Variants in USP48 observed in about 807,000 individuals in gnomAD.
USP48 encodes the protein ubiquitin carboxyl-terminal hydrolase 48.
Under a neutral mutation model 150.7 loss-of-function variants are expected in USP48, and 43 were observed. The observed-to-expected ratio is 0.29, with a 90% confidence interval of 0.22 to 0.37. The LOEUF (loss-of-function observed/expected upper bound fraction) is 0.37. Ranked by LOEUF, USP48 falls within the 10% of genes least tolerant of loss-of-function variation. The probability of loss-of-function intolerance (pLI) is 1.00; values close to 1 mark genes in which losing one functional copy is unlikely to be tolerated. For synonymous variants in USP48, 396 were observed against 425.9 expected (o/e 0.93, Z 0.86); for missense variants, 813 against 1,249.6 (o/e 0.65, Z 5.27).
At chr1:21,706,320 T>C (rs1399391695) in intron 17 of USP48, 133 bp from the exon 18 acceptor site, 5 of 1,493,130 alleles carry the variant, frequency 3.3e-6, no homozygotes, top group South Asian at 2.5e-5. Flanking sequence ...TACCAAAAAA[T>C]AGCAGGCTGG....
At chr1:21,776,022 T>C (rs1302785169) in intron 1 of USP48, among the ~76,000 whole-genome samples, 2 of 152,184 alleles carry the variant, frequency 1.3e-5, no homozygotes, top group Non-Finnish European at 2.9e-5. Context: ...GAGGGTATGA[T>C]GTATATGTAA....
intron 14 of USP48, 58 bp from the exon 15 acceptor site, chr1:21,715,515 A>G (rs1400997965): frequency 2.6e-6 from 3 of 1,150,960 alleles, no homozygotes; most frequent in Non-Finnish European, 3.8e-6. Flanking sequence ...TAAAGTTGAA[A>G]GTAGCAGATA....
chr1:21,729,250 C>A (rs2097749561), intron 10 of USP48, among the ~76,000 whole-genome samples: 1 of 150,832 alleles, frequency 6.6e-6, no homozygotes, highest in East Asian at 1.9e-4. Context: ...CCACTGCACT[C>A]CAGCCTGGGC....
chr1:21,729,010 C>T (rs1054986134), intron 10 of USP48, among the ~76,000 whole-genome samples: 2 of 152,242 alleles, frequency 1.3e-5, no homozygotes, highest in South Asian at 2.1e-4. Flanking sequence ...GCCAGGCGGG[C>T]GCAGTGGCTC....
chr1:21,758,185 A>AACACACACACACACACAC (rs149088635), intron 1 of USP48, among the ~76,000 whole-genome samples: 3 of 141,448 alleles, frequency 2.1e-5, no homozygotes, highest in South Asian at 4.6e-4. Context: ...GCAACTGTAA[A>AACACACACACACACACAC]ACACACACAC....
chr1:21,739,964 C>T (rs569632598), intron 8 of USP48, among the ~76,000 whole-genome samples: 34 of 152,254 alleles, frequency 2.2e-4, no homozygotes, highest in South Asian at 1.4e-3. Flanking sequence ...CAGGCTGGAG[C>T]GCAATGGCGC....
At chr1:21,692,141 C>A (rs886432575) in intron 23 of USP48, among the ~76,000 whole-genome samples, 1 of 152,094 alleles carries the variant, frequency 6.6e-6, no homozygotes, top group African/African-American at 2.4e-5. Context: ...ACTGCTGGGA[C>A]AGAATCTTAC....
intron 1 of USP48, chr1:21,768,295 G>C: frequency 5.9e-6 from 1 of 170,394 alleles, no homozygotes; most frequent in Non-Finnish European, 1.3e-5. Context: ...GCCCTACAGA[G>C]ACTGAGCAGT....
intron 22 of USP48, among the ~76,000 whole-genome samples, chr1:21,697,297 G>A (rs1265830274): frequency 6.6e-6 from 1 of 151,414 alleles, no homozygotes; most frequent in Non-Finnish European, 1.5e-5. Flanking sequence ...AAAAAGTTAA[G>A]TGCACATGTG....
intron 8 of USP48, among the ~76,000 whole-genome samples, chr1:21,744,802 AT>A (rs755092689): frequency 1.5e-4 from 22 of 149,732 alleles, no homozygotes; most frequent in Non-Finnish European, 1.8e-4. Context: ...AAAAAAAAAA[AT>A]GCTAAGCTTT....
chr1:21,708,245 A>T (rs972393915), intron 15 of USP48, among the ~76,000 whole-genome samples: 1 of 152,188 alleles, frequency 6.6e-6, no homozygotes, highest in African/African-American at 2.4e-5. Context: ...TCACACTTGT[A>T]AGCCCAGCAC....
intron 8 of USP48, among the ~76,000 whole-genome samples, chr1:21,745,358 C>A (rs942868653): frequency 2.6e-5 from 4 of 151,806 alleles, no homozygotes; most frequent in Admixed American, 1.3e-4. Flanking sequence ...GTAATCCCAG[C>A]ACTTTCGGGA....
At chr1:21,699,950 T>C (rs2097650391) in intron 22 of USP48, among the ~76,000 whole-genome samples, 2 of 149,422 alleles carry the variant, frequency 1.3e-5, no homozygotes, top group South Asian at 4.3e-4. Context: ...GAAAACAGAG[T>C]TGACAACAGG....
At chr1:21,717,964 A>G (rs2097709367) in intron 14 of USP48, among the ~76,000 whole-genome samples, 1 of 152,186 alleles carries the variant, frequency 6.6e-6, no homozygotes, top group African/African-American at 2.4e-5. Flanking sequence ...AACAAAACTG[A>G]TGTGACGGAT....
intron 11 of USP48, chr1:21,724,401 G>C (rs2097730717): frequency 3.7e-6 from 2 of 546,572 alleles, no homozygotes. Flanking sequence ...GCACAGCAGA[G>C]CTTTGATCAG....
intron 1 of USP48, among the ~76,000 whole-genome samples, chr1:21,774,990 AAAATAAATAAAT>A (rs147019343): frequency 0.3 from 44,142 of 145,974 alleles, 6,980 homozygotes; most frequent in African/African-American, 0.32. Context: ...GACTCTCTCA[AAAATAAATAAAT>A]AAATAAATAA....
At chr1:21,701,087 C>T (rs2152514104) in intron 22 of USP48, among the ~76,000 whole-genome samples, 1 of 146,134 alleles carries the variant, frequency 6.8e-6, no homozygotes, top group East Asian at 2.0e-4. Flanking sequence ...AAAAAAAAGG[C>T]CGGGTGCGGT....
chr1:21,753,139 G>C lies in USP48; in HGVS notation c.413-20C>G, dbSNP rs767485255. 1.1e-5 allele frequency: 18 copies of C among 1,584,708 alleles called. No homozygotes were observed. The highest frequency in any genetic ancestry group is 1.5e-5 in the Non-Finnish European group (17 of 1,171,276). ...CATAATCTATTAAAACAAAAATATA[G>C]ATTTGGGGTTTTTTAAGGTGCTACT... is the stretch of plus-strand genomic sequence containing the variant. On this transcript the variant is annotated intron_variant, in intron 3 of 26. Coordinates refer to ENST00000308271, the MANE Select transcript of USP48 (RefSeq NM_032236.8).
chr1:21,745,426 A>T (rs2097792275), intron 8 of USP48, among the ~76,000 whole-genome samples: 1 of 152,164 alleles, frequency 6.6e-6, no homozygotes, highest in Non-Finnish European at 1.5e-5. Flanking sequence ...TCTAAAAAAA[A>T]ATAACTAAAA....
Sources: allele counts gnomAD v4.1 joint callset (sites outside exome capture counted in the v4.1 genomes callset), GRCh38; gene constraint gnomAD v4.1.1; transcripts MANE v1.5; gene names NCBI Gene and HGNC (gene_info 2026-07-23, HGNC 2026-07-21).